ETV5: variants seen among roughly 807,000 people sequenced by gnomAD.
The protein encoded by ETV5 is ETS translocation variant 5.
Under a neutral mutation model 70.0 loss-of-function variants are expected in ETV5, and 10 were observed. That is an observed-to-expected ratio of 0.14 (90% CI 0.09 to 0.24). The LOEUF (loss-of-function observed/expected upper bound fraction) is 0.24, where lower values mean the gene tolerates loss of function less well. Ranked by LOEUF, ETV5 falls within the 10% of genes least tolerant of loss-of-function variation. ETV5 has a pLI of 1.00. For synonymous variants in ETV5, 216 were observed against 242.2 expected (o/e 0.89, Z 1.01); for missense variants, 453 against 651.2 (o/e 0.70, Z 3.31).
chr3:186,102,812 G>A (rs1714492442), intron 5 of ETV5, among the ~76,000 whole-genome samples: 1 of 152,126 alleles, frequency 6.6e-6, no homozygotes. Flanking sequence ...AGTGAAGCTG[G>A]TCCTGAACTC....
At chr3:186,085,630 T>A (rs1394158283) in intron 5 of ETV5, among the ~76,000 whole-genome samples, 1 of 149,944 alleles carries the variant, frequency 6.7e-6, no homozygotes, top group African/African-American at 2.4e-5. Context: ...TATCTCAGCC[T>A]CCCAAGCAGC....
rs10681607 is a variant in ETV5 at position 186,066,262 on chromosome 3, C to CAAAAAAAAAAAAA, written c.651-203_651-191dup. Among the ~76,000 whole-genome samples the CAAAAAAAAAAAAA allele has an allele frequency of 4.2e-4, 40 of 94,866 alleles. 3 individuals carry two copies. The highest frequency in any genetic ancestry group is 1.3e-3 in the African/African-American group (32 of 24,334). 62.2% of individuals were successfully genotyped at this position (94,866 alleles called of 152,430 possible). A position where few individuals can be genotyped will look rare whatever the true frequency, so the allele number is the denominator to read the frequency against. ...TCGAAGCTCTTGAGTCAGGAAGTGG[C>CAAAAAAAAAAAAA]AAAAAAAAAAAAAAAAAATCAAAGC... On this transcript the variant is annotated intron_variant, in intron 7 of 12. Coordinates refer to ENST00000306376, the MANE Select transcript of ETV5 (RefSeq NM_004454.3).
At chr3:186,087,597 C>T (rs1455655206) in intron 5 of ETV5, among the ~76,000 whole-genome samples, 1 of 152,112 alleles carries the variant, frequency 6.6e-6, no homozygotes, top group Non-Finnish European at 1.5e-5. Flanking sequence ...AAACAGTCTT[C>T]CAAAGAAACA....
rs573872649 is a variant in ETV5, at chr3:186,108,485, T to TG, written c.-75+454dup. On this transcript the variant is annotated intron_variant, in intron 1 of 12. Transcript: ENST00000306376. ...TGTCATTTACCCCCTCCCGGTGCTC[T>TG]GGGGGGCAGCGCCTCTCAGACATTC... 4.5e-4 allele frequency: 578 copies of TG among 1,280,924 alleles called. 6 individuals are homozygous for TG. The highest frequency in any genetic ancestry group is 2.7e-3 in the South Asian group (215 of 80,842). 79.3% of individuals were successfully genotyped at this position (1,280,924 alleles called of 1,614,324 possible).
chr3:186,068,543 C>A (rs1713510095), intron 7 of ETV5, among the ~76,000 whole-genome samples: 2 of 152,320 alleles, frequency 1.3e-5, no homozygotes, highest in South Asian at 4.1e-4. Context: ...CACTCTTCAG[C>A]TGTCAGATAA....
intron 6 of ETV5, among the ~76,000 whole-genome samples, chr3:186,080,358 T>C (rs2150149408): frequency 6.6e-6 from 1 of 152,174 alleles, no homozygotes; most frequent in African/African-American, 2.4e-5. Context: ...CCGGTTTCCT[T>C]TTTCCCTCCT....
In ETV5 at chr3:186,105,825, C is replaced by A. The variant is rs777457522; in HGVS notation, c.44G>T (p.Gly15Val). The A allele has an allele frequency of 7.4e-6, 12 of 1,613,730 alleles. No homozygotes were observed. The African/African-American group carries it at 1.2e-4, about 16-fold the overall frequency. Residue 15 changes from glycine to valine, a missense_variant and splice_region_variant, in exon 2 of 13, where the codon GGG (glycine) becomes GTG (valine). Gly to Val is a moderately radical substitution (Grantham distance 109). Coordinates refer to ENST00000306376, the MANE Select transcript of ETV5 (RefSeq NM_004454.3). This position sits in a 1 kb window ranked among gnomAD's most constrained non-coding sequence, Gnocchi z 4.5. The stretch of plus-strand genomic sequence containing the variant: ...AAACCAAAAGCCACATAAACTTACC[C>A]CTGGGACCATAAAAGGGACTTGCTG... ...YDQQVPFMVP[G>V]KSRSEECRGR...
At chr3:186,049,607 A>G (rs886483440) in intron 12 of ETV5, among the ~76,000 whole-genome samples, 5 of 152,240 alleles carry the variant, frequency 3.3e-5, no homozygotes, top group African/African-American at 1.2e-4. Context: ...CTGGAGACGC[A>G]GAGGGGGAAG....
At chr3:186,059,898 C>A (rs1328844103) in intron 9 of ETV5, among the ~76,000 whole-genome samples, 1 of 152,166 alleles carries the variant, frequency 6.6e-6, no homozygotes, top group South Asian at 2.1e-4. Flanking sequence ...ATAATGCTAA[C>A]TTTTAAGTCA....
chr3:186,068,315 C>T (rs922958312), intron 7 of ETV5, among the ~76,000 whole-genome samples: 2 of 152,084 alleles, frequency 1.3e-5, no homozygotes, highest in African/African-American at 2.4e-5. Context: ...CTAAACAGTA[C>T]GTAGAGTATC....
chr3:186,094,537 G>A (rs1477360319), intron 5 of ETV5, among the ~76,000 whole-genome samples: 1 of 152,086 alleles, frequency 6.6e-6, no homozygotes, highest in Non-Finnish European at 1.5e-5. Context: ...GCTTGGATTT[G>A]TACAGTTCCC....
At chr3:186,065,745 TAA>T in intron 8 of ETV5, 66 bp downstream of exon 8, 2 of 1,600,440 alleles carry the variant, frequency 1.2e-6, no homozygotes, top group East Asian at 2.2e-5. Flanking sequence ...CCTGCATGTA[TAA>T]GACACTGAAT....
rs192670010 is a variant in ETV5, at chr3:186,054,402, C to A, written c.1210-2271G>T. Reference sequence around the variant, plus strand: ...GAGTGGCTCTTTCTAGCAGCCCATCCCTTCAAACCTCCCAGCAGCAGTTAT... The same window carrying A: ...GAGTGGCTCTTTCTAGCAGCCCATCACTTCAAACCTCCCAGCAGCAGTTAT... On this transcript the variant is annotated intron_variant, in intron 11 of 12. Coordinates refer to ENST00000306376, the MANE Select transcript of ETV5 (RefSeq NM_004454.3). The surrounding 1 kb of genome is among the most constrained non-coding windows in gnomAD (Gnocchi z 4.4). Among the ~76,000 whole-genome samples the A allele has an allele frequency of 6.6e-6, 1 of 152,254 alleles. No individual in the cohort carries two copies. The highest frequency in any genetic ancestry group is 6.5e-5 in the Admixed American group (1 of 15,298).
At chr3:186,074,749 A>G (rs995884366) in intron 7 of ETV5, among the ~76,000 whole-genome samples, 1 of 151,650 alleles carries the variant, frequency 6.6e-6, no homozygotes, top group Non-Finnish European at 1.5e-5. Flanking sequence ...CCTTGTCTCT[A>G]CTAAAAATAT....
intron 7 of ETV5, among the ~76,000 whole-genome samples, chr3:186,074,786 C>T (rs936329113): frequency 3.3e-5 from 5 of 149,538 alleles, no homozygotes; most frequent in South Asian, 2.1e-4. Context: ...TGGTGGTGCC[C>T]GCCTATAATT....
intron 7 of ETV5, chr3:186,078,339 C>T: frequency 3.0e-6 from 1 of 331,956 alleles, no homozygotes; most frequent in African/African-American, 2.1e-5. Flanking sequence ...CGACCCCACA[C>T]TTCCTCCCCA....
chr3:186,101,391 G>C (rs1714455003), intron 5 of ETV5, among the ~76,000 whole-genome samples: 1 of 152,174 alleles, frequency 6.6e-6, no homozygotes, highest in African/African-American at 2.4e-5. Flanking sequence ...AGGCTCAAGA[G>C]ATCCTCCCGA....
chr3:186,084,461 C>CTTCATTCATTCA (rs67764705), intron 5 of ETV5, among the ~76,000 whole-genome samples: 16 of 150,974 alleles, frequency 1.1e-4, no homozygotes, highest in East Asian at 3.9e-4. Context: ...TTCTTTCTGT[C>CTTCATTCATTCA]TTCATTCATT....
At chr3:186,068,520 C>T (rs1437987860) in intron 7 of ETV5, among the ~76,000 whole-genome samples, 1 of 152,144 alleles carries the variant, frequency 6.6e-6, no homozygotes, top group Non-Finnish European at 1.5e-5. Context: ...TGCTACTAGT[C>T]GAGTTTCCTT....
Sources: allele counts gnomAD v4.1 joint callset (sites outside exome capture counted in the v4.1 genomes callset), GRCh38; gene constraint gnomAD v4.1.1; non-coding constraint Gnocchi (gnomAD v3.1); transcripts MANE v1.5; gene names NCBI Gene and HGNC (gene_info 2026-07-23, HGNC 2026-07-21).